Variants in TMPRSS5 observed in about 807,000 individuals in gnomAD.
TMPRSS5 encodes transmembrane serine protease 5.
Under a neutral mutation model 59.7 loss-of-function variants are expected in TMPRSS5, and 45 were observed. The observed-to-expected ratio is 0.75, with a 90% CI of 0.59 to 0.97. The LOEUF is 0.97. Among genes scored for constraint, TMPRSS5 ranks in the 50% least tolerant of loss-of-function variants. The pLI is 0.00. For synonymous variants in TMPRSS5, 225 were observed against 232.0 expected (o/e 0.97, Z 0.27); for missense variants, 585 against 596.7 (o/e 0.98, Z 0.20).
chr11:113,689,682 C>G, intron 12 of TMPRSS5, 83 bp downstream of exon 12: 1 of 1,489,872 alleles, frequency 6.7e-7, no homozygotes, highest in Admixed American at 2.0e-5. Context: ...CCAGCAGGGC[C>G]CGGGCCTAAG....
chr11:113,699,273 CTCTCT>C (rs1953046658), intron 3 of TMPRSS5, among the ~76,000 whole-genome samples: 2 of 52,956 alleles, frequency 3.8e-5, no homozygotes, highest in Admixed American at 2.3e-4. Context: ...CTCTCTCTCC[CTCTCT>C]CTCTCTCTCT....
chr11:113,687,979 C>A lies in TMPRSS5; in HGVS notation c.*281G>T, dbSNP rs1015678006. 3.1e-5 allele frequency: 12 copies of A among 386,540 alleles called. No homozygotes were observed. In the East Asian group the frequency reaches 3.2e-4, roughly 10 times the overall value. 23.9% of individuals were successfully genotyped at this position (386,540 alleles called of 1,614,324 possible). A position where few individuals can be genotyped will look rare whatever the true frequency, so the allele number is the denominator to read the frequency against. On this transcript the variant is annotated 3_prime_UTR_variant, in exon 13 of 13. Transcript: ENST00000299882. ...CTCCAGCTCCTACCTCTCTCCTCCCCCTCATCCCTCAGCAACCACAGCATG... is the reference window on the plus strand; with the variant it reads ...CTCCAGCTCCTACCTCTCTCCTCCCACTCATCCCTCAGCAACCACAGCATG...
At chr11:113,696,690 C>T in intron 6 of TMPRSS5, 168 bp downstream of exon 6, 1 of 602,900 alleles carries the variant, frequency 1.7e-6, no homozygotes, top group Non-Finnish European at 3.0e-6. Context: ...ACAGACAGGG[C>T]TCATGTGAAC....
In TMPRSS5 at chr11:113,689,884, C is replaced by T; in HGVS notation, c.1240G>A (p.Gly414Arg). The T allele has an allele frequency of 1.3e-6, 2 of 1,572,178 alleles. No individual in the cohort carries two copies. Among genetic ancestry groups the T allele is most frequent in the Non-Finnish European group, 8.6e-7 (1 of 1,158,874 alleles). ...DSGGPLVCPD[G>R]DTWRLVGVVS... ...ACCCCCACTAGGCGCCATGTGTCCC[C>T]ATCTGGGCACACTAGGGGGCCCCCG... The change falls in exon 12 of 13, where the codon GGG becomes AGG. Residue 414 changes from glycine to arginine, a missense_variant. Transcript: ENST00000299882.
chr11:113,698,222 C>G (rs1591383925), intron 4 of TMPRSS5, among the ~76,000 whole-genome samples: 4 of 150,966 alleles, frequency 2.6e-5, no homozygotes, highest in East Asian at 4.0e-4. Flanking sequence ...GTTTAAACCA[C>G]CCGGTCTGTG....
At chr11:113,688,634 G>C (rs535034045) in intron 12 of TMPRSS5, among the ~76,000 whole-genome samples, 1 of 152,116 alleles carries the variant, frequency 6.6e-6, no homozygotes, top group African/African-American at 2.4e-5. Context: ...GCAGTGGCAC[G>C]ATCTCAGCTC....
chr11:113,690,196 AC>A, intron 11 of TMPRSS5, 34 bp downstream of exon 11: 1 of 253,936 alleles, frequency 3.9e-6, no homozygotes, highest in Non-Finnish European at 6.0e-6. Context: ...CCCCACCTCC[AC>A]TCCCACCCTC....
chr11:113,700,670 A>T (rs547631184), intron 1 of TMPRSS5, among the ~76,000 whole-genome samples: 1 of 152,132 alleles, frequency 6.6e-6, no homozygotes, highest in Non-Finnish European at 1.5e-5. Context: ...GAATAAACCA[A>T]CGTGGACCAC....
chr11:113,699,086 ACCT>A (rs1953015902), intron 3 of TMPRSS5, 59 bp from the exon 4 acceptor site: 14 of 1,568,214 alleles, frequency 8.9e-6, no homozygotes, highest in Non-Finnish European at 1.1e-5. Context: ...CAAGGTGCTG[ACCT>A]CCTCATCAGC....
chr11:113,689,431 T>C (rs1952697966), intron 12 of TMPRSS5, among the ~76,000 whole-genome samples: 1 of 152,084 alleles, frequency 6.6e-6, no homozygotes, highest in Non-Finnish European at 1.5e-5. Context: ...GGGTCTTATT[T>C]AATAGCATAT....
chr11:113,701,203 G>T (rs2134824076), intron 1 of TMPRSS5, among the ~76,000 whole-genome samples: 1 of 152,352 alleles, frequency 6.6e-6, no homozygotes, highest in East Asian at 1.9e-4. Context: ...ATGTGGAAGT[G>T]ACTTTGGAAT....
Position 113,696,875 on chromosome 11 carries a change from C to T in TMPRSS5, c.561G>A (p.Glu187=). Residue 187 remains glutamate, a synonymous_variant, in exon 6 of 13, where the codon GAG becomes GAA. Coordinates refer to ENST00000299882, the MANE Select transcript of TMPRSS5 (RefSeq NM_030770.4). Reference sequence around the variant, plus strand: ...AGTCCTACCTGGGCTGCCACGCCTCCTCCAGGAAGCCTCCCAGTCTAGGAG... The same window carrying T: ...AGTCCTACCTGGGCTGCCACGCCTCTTCCAGGAAGCCTCCCAGTCTAGGAG... ...QLSPRLGGFL[E]EAWQPRNNCT... is the part of the protein sequence containing the mutation. 2 of 1,566,896 alleles carry T rather than the reference C, an allele frequency of 1.3e-6. No homozygotes were observed. The highest frequency in any genetic ancestry group is 1.7e-6 in the Non-Finnish European group (2 of 1,155,206).
intron 1 of TMPRSS5, among the ~76,000 whole-genome samples, chr11:113,701,619 G>T (rs1953136497): frequency 6.6e-6 from 1 of 151,940 alleles, no homozygotes; most frequent in Non-Finnish European, 1.5e-5. Flanking sequence ...CAAAATATAG[G>T]ACATGAAGGT....
Position 113,690,281 on chromosome 11 carries a change from G to A in TMPRSS5, c.1156C>T (p.Pro386Ser), listed in dbSNP as rs1463095117. The change falls in exon 11 of 13, where the codon CCC becomes TCC. Residue 386 changes from proline to serine, a missense_variant. Coordinates refer to ENST00000299882, the MANE Select transcript of TMPRSS5 (RefSeq NM_030770.4). ...AGGTAGCCAGCGCAAAGCATGCGGG[G>A]GGTGAGGGCTCCGCTGTACACGCAA... ...SSCVYSGALT[P>S]RMLCAGYLDG... 11 of 1,572,532 alleles carry A rather than the reference G, an allele frequency of 7.0e-6. No homozygotes were observed. The highest frequency in any genetic ancestry group is 9.5e-6 in the Non-Finnish European group (11 of 1,160,168).
At chr11:113,690,191 C>T in intron 11 of TMPRSS5, 40 bp downstream of exon 11, 7 of 1,472,068 alleles carry the variant, frequency 4.8e-6, no homozygotes, top group Non-Finnish European at 6.4e-6. Context: ...CCCACCCCCA[C>T]CTCCACTCCC....
rs768500475 is a variant in TMPRSS5 at position 113,694,489 on chromosome 11, A to G, written c.774T>C (p.His258=). 1.9e-5 allele frequency: 30 copies of G among 1,566,188 alleles called. No individual in the cohort carries two copies. The highest frequency in any genetic ancestry group is 2.7e-5 in the African/African-American group (2 of 73,612). The change falls in exon 8 of 13, where the codon CAT becomes CAC. Residue 258 remains histidine (H), a synonymous_variant. Transcript: ENST00000299882. Reference sequence around the variant, plus strand: ...CCACAGAGACTTGCCTGTGCATACAATGTGCAGCAGTCACCACCCAGCGTG... The same window carrying G: ...CCACAGAGACTTGCCTGTGCATACAGTGTGCAGCAGTCACCACCCAGCGTG... The part of the protein sequence containing the change: ...LAPRWVVTAA[H]CMHSFRLARL...
chr11:113,696,316 C>A (rs1332353687), intron 6 of TMPRSS5, among the ~76,000 whole-genome samples: 18 of 152,188 alleles, frequency 1.2e-4, no homozygotes. Context: ...CCCAGTCATA[C>A]CAAACCATCC....
Position 113,689,848 on chromosome 11 carries a change from C to A in TMPRSS5, c.1276G>T (p.Gly426Trp). ...TWRLVGVVSW[G>W]RGCAEPNHPG... ...TGATTGGGCTCTGCGCAGCCACGCC[C>A]CCAGCTGACCACCCCCACTAGGCGC... The change falls in exon 12 of 13, where the codon GGG (glycine) becomes TGG (tryptophan). Residue 426 changes from glycine (G) to tryptophan (W), a missense_variant. Gly to Trp is a radical substitution (Grantham distance 184). Transcript: ENST00000299882. The A allele has an allele frequency of 6.3e-7, 1 of 1,590,630 alleles. No homozygotes were observed. Among genetic ancestry groups the A allele is most frequent in the Non-Finnish European group, 8.6e-7 (1 of 1,168,660 alleles).
In TMPRSS5 at chr11:113,690,280, G is replaced by C. The variant is rs746155548; in HGVS notation, c.1157C>G (p.Pro386Arg). The C allele has an allele frequency of 4.5e-6, 7 of 1,572,040 alleles. No individual in the cohort carries two copies. The highest frequency in any genetic ancestry group is 2.7e-5 in the African/African-American group (2 of 73,744). The change falls in exon 11 of 13, where the codon CCC (proline) becomes CGC (arginine). Residue 386 changes from proline to arginine, a missense_variant. Pro to Arg is a moderately radical substitution (Grantham distance 103, BLOSUM62 -2). Coordinates refer to ENST00000299882, the MANE Select transcript of TMPRSS5 (RefSeq NM_030770.4). ...CAGGTAGCCAGCGCAAAGCATGCGG[G>C]GGGTGAGGGCTCCGCTGTACACGCA... ...SSCVYSGALT[P>R]RMLCAGYLDG...
Sources: gnomAD v4.1 joint callset for allele counts (sites outside exome capture counted in the v4.1 genomes callset) on GRCh38, gnomAD v4.1.1 for gene constraint, MANE v1.5 for transcripts, NCBI Gene and HGNC (gene_info 2026-07-23, HGNC 2026-07-21) for gene names.